Variants in ESRRG observed in about 807,000 individuals in gnomAD.
ESRRG encodes the protein estrogen related receptor gamma, also known as estrogen-related receptor gamma.
Under a neutral mutation model 44.0 loss-of-function variants are expected in ESRRG, and 13 were observed. The ratio of observed to expected loss-of-function variants is 0.30; its 90% CI spans 0.19 to 0.47. The LOEUF (loss-of-function observed/expected upper bound fraction) is 0.47. Ranked by LOEUF, ESRRG falls within the 20% of genes least tolerant of loss-of-function variation. The pLI, the probability that ESRRG is intolerant of heterozygous loss-of-function variation, is 1.00. For synonymous variants in ESRRG, 215 were observed against 214.6 expected (o/e 1.00, Z -0.02); for missense variants, 395 against 580.6 (o/e 0.68, Z 3.29).
chr1:216,771,540 G>T, intron 2 of ESRRG, among the ~76,000 whole-genome samples: 1 of 152,056 alleles, frequency 6.6e-6, no homozygotes. Context: ...TTTTGTAACT[G>T]GGAGATGCTG....
At chr1:216,780,875 T>C (rs1298071827) in intron 2 of ESRRG, among the ~76,000 whole-genome samples, 2 of 151,974 alleles carry the variant, frequency 1.3e-5, no homozygotes, top group Non-Finnish European at 2.9e-5. Flanking sequence ...GAAACAAAGC[T>C]TCATATGTTC....
At chr1:216,990,716 T>A (rs1031751985) in intron 1 of ESRRG, among the ~76,000 whole-genome samples, 1 of 152,242 alleles carries the variant, frequency 6.6e-6, no homozygotes, top group African/African-American at 2.4e-5. Flanking sequence ...TTTTCTTTTC[T>A]CTATCTTACT....
intron 1 of ESRRG, among the ~76,000 whole-genome samples, chr1:217,021,214 T>A (rs531060343): frequency 2.0e-5 from 3 of 152,274 alleles, no homozygotes; most frequent in Non-Finnish European, 4.4e-5. Context: ...CCATTGTTAG[T>A]GGGACTAGCT....
At chr1:217,119,437 C>T (rs1171308046) in intron 1 of ESRRG, among the ~76,000 whole-genome samples, 1 of 152,172 alleles carries the variant, frequency 6.6e-6, no homozygotes, top group Non-Finnish European at 1.5e-5. Flanking sequence ...ATCTGAATCC[C>T]TCTCTACATC....
chr1:216,810,093 T>C (rs569313655), intron 2 of ESRRG, among the ~76,000 whole-genome samples: 3 of 151,952 alleles, frequency 2.0e-5, no homozygotes, highest in Non-Finnish European at 4.4e-5. Flanking sequence ...TCCTAGGAGC[T>C]CTTAGAATCT....
At chr1:216,511,984 C>T (rs558855988) in intron 6 of ESRRG, among the ~76,000 whole-genome samples, 8 of 152,248 alleles carry the variant, frequency 5.3e-5, no homozygotes, top group African/African-American at 1.4e-4. Context: ...AGCATTTATA[C>T]TACTTTTCCT....
intron 2 of ESRRG, among the ~76,000 whole-genome samples, chr1:216,907,789 T>C (rs1355472359): frequency 6.6e-6 from 1 of 152,186 alleles, no homozygotes. Flanking sequence ...ACAATGCCGG[T>C]TGACGTATTT....
At chr1:216,782,513 T>A (rs1576502458) in intron 2 of ESRRG, among the ~76,000 whole-genome samples, 1 of 152,106 alleles carries the variant, frequency 6.6e-6, no homozygotes, top group Non-Finnish European at 1.5e-5. Flanking sequence ...AACTTATTGA[T>A]CTTTGTGAAA....
At chr1:216,753,627 AGTT>A (rs754079044) in intron 2 of ESRRG, among the ~76,000 whole-genome samples, 19 of 152,244 alleles carry the variant, frequency 1.2e-4, no homozygotes, top group East Asian at 9.7e-4. Flanking sequence ...ATTTTATAAT[AGTT>A]GTGCAAATAC....
intron 2 of ESRRG, among the ~76,000 whole-genome samples, chr1:216,923,735 C>T (rs137958924): frequency 2.4e-4 from 36 of 152,304 alleles, no homozygotes; most frequent in Non-Finnish European, 3.7e-4. Flanking sequence ...AACCACACTG[C>T]TGCATTTTTC....
At chr1:216,828,531 A>G (rs1397560301) in intron 2 of ESRRG, among the ~76,000 whole-genome samples, 3 of 152,196 alleles carry the variant, frequency 2.0e-5, no homozygotes, top group Non-Finnish European at 1.5e-5. Context: ...ATTTAAAACA[A>G]GGAAGATCAA....
In ESRRG at chr1:216,528,095, G is replaced by T. The variant is rs11572814; in HGVS notation, c.863-8674C>A. Among the ~76,000 whole-genome samples the T allele has an allele frequency of 1.6e-3, 246 of 152,228 alleles. 1 individual carries two copies. In the East Asian group the frequency reaches 0.019, roughly 11 times the overall value. Reference sequence around the variant, plus strand: ...CATTGACTGGCTTTCAAAAAGATGCGACGTTAGGAATGAAAAGACCATTGC... The same window carrying T: ...CATTGACTGGCTTTCAAAAAGATGCTACGTTAGGAATGAAAAGACCATTGC... On this transcript the variant is annotated intron_variant, in intron 5 of 6. Transcript: ENST00000408911.
At chr1:216,567,144 A>G (rs2149584563) in intron 4 of ESRRG, among the ~76,000 whole-genome samples, 1 of 152,252 alleles carries the variant, frequency 6.6e-6, no homozygotes, top group Non-Finnish European at 1.5e-5. Context: ...AAAGACAGCT[A>G]AATTGGAAAA....
intron 2 of ESRRG, chr1:216,862,239 T>TTG (rs1553656052): frequency 2.6e-5 from 4 of 151,896 alleles, no homozygotes; most frequent in African/African-American, 9.7e-5. Flanking sequence ...CTTTTTTTTT[T>TTG]TTTTAGACAG....
At chr1:216,764,394 G>A (rs574465776) in intron 2 of ESRRG, among the ~76,000 whole-genome samples, 4 of 151,894 alleles carry the variant, frequency 2.6e-5, no homozygotes, top group African/African-American at 9.7e-5. Flanking sequence ...CTCACCTCCT[G>A]AGTAGCTGGG....
chr1:216,603,084 C>G (rs1259303472), intron 3 of ESRRG, among the ~76,000 whole-genome samples: 1 of 152,114 alleles, frequency 6.6e-6, no homozygotes, highest in African/African-American at 2.4e-5. Context: ...CTACACTGAT[C>G]AGAATACCAC....
chr1:216,719,262 T>C (rs980631204), intron 1 of ESRRG, among the ~76,000 whole-genome samples: 3 of 152,024 alleles, frequency 2.0e-5, no homozygotes, highest in African/African-American at 7.2e-5. Flanking sequence ...CCTTCTTTGA[T>C]GAATAGCACC....
In ESRRG at chr1:216,994,185, T is replaced by C. The variant is rs187743959; in HGVS notation, c.-105-54512A>G. On this transcript the variant is annotated intron_variant, in intron 1 of 7. Coordinates refer to the ESRRG transcript ENST00000359162. ...ATGTCTCAGGGGACTGGTAATGGGCTATAGAGTCACTCACTTTGAAGCCAC... is the reference window on the plus strand; with the variant it reads ...ATGTCTCAGGGGACTGGTAATGGGCCATAGAGTCACTCACTTTGAAGCCAC... Among the ~76,000 whole-genome samples the C allele has an allele frequency of 5.7e-3, 861 of 152,336 alleles. 6 individuals carry two copies. Among genetic ancestry groups the C allele is most frequent in the Middle Eastern group, 0.017 (5 of 294 alleles).
intron 5 of ESRRG, among the ~76,000 whole-genome samples, chr1:216,541,584 GTGTGTGTGTGTGTGTGTGTGTGTA>G (rs1250900444): frequency 2.7e-5 from 4 of 147,800 alleles, no homozygotes; most frequent in African/African-American, 1.0e-4. Flanking sequence ...GTGTGTGTGT[GTGTGTGTGTGTGTGTGTGTGTGTA>G]TGTGATCAGC....
Sources: allele counts gnomAD v4.1 joint callset (sites outside exome capture counted in the v4.1 genomes callset), GRCh38; gene constraint gnomAD v4.1.1; transcripts MANE v1.5; gene names NCBI Gene and HGNC (gene_info 2026-07-23, HGNC 2026-07-21).